PDE4B: variants seen among roughly 807,000 people sequenced by gnomAD.
The protein encoded by PDE4B is 3',5'-cyclic-AMP phosphodiesterase 4B.
PDE4B carries 20 observed loss-of-function variants against 82.2 expected under a neutral mutation model. The ratio of observed to expected loss-of-function variants is 0.24; its 90% CI spans 0.17 to 0.35. The LOEUF is 0.35. PDE4B is among the 10% of genes least tolerant of loss of function. The probability of loss-of-function intolerance (pLI) is 1.00; values close to 1 mark genes in which losing one functional copy is unlikely to be tolerated. For missense variants in PDE4B, 655 were observed against 907.2 expected (o/e 0.72, Z 3.57); for synonymous variants, 320 against 318.9 (o/e 1.00, Z -0.04).
chr1:66,247,782 G>T, intron 4 of PDE4B, 128 bp downstream of exon 4: 1 of 652,746 alleles, frequency 1.5e-6, no homozygotes, highest in South Asian at 2.7e-5. Context: ...ATATGAGCAG[G>T]GGTGACGTGA....
At chr1:66,320,573 G>C (rs1429389660) in intron 7 of PDE4B, among the ~76,000 whole-genome samples, 6 of 152,176 alleles carry the variant, frequency 3.9e-5, no homozygotes, top group African/African-American at 1.4e-4. Context: ...CAGTAGCAAA[G>C]GCCCCTTTCT....
At chr1:66,097,237 G>A (rs77416097) in intron 3 of PDE4B, among the ~76,000 whole-genome samples, 4,581 of 152,128 alleles carry the variant, frequency 0.03, 248 homozygotes, top group African/African-American at 0.1. Context: ...GGGAGTTTAA[G>A]TTGTTCCACA....
intron 7 of PDE4B, among the ~76,000 whole-genome samples, chr1:66,274,959 C>T (rs931672167): frequency 4.6e-5 from 7 of 151,562 alleles, no homozygotes; most frequent in Non-Finnish European, 8.8e-5. Context: ...TTTTTTTTTC[C>T]TCCTGAGACT....
intron 1 of PDE4B, among the ~76,000 whole-genome samples, chr1:65,867,124 T>C (rs1283035822): frequency 1.3e-5 from 2 of 152,174 alleles, no homozygotes; most frequent in Non-Finnish European, 2.9e-5. Context: ...AGCTGGATTA[T>C]TGAGGTACAT....
intron 3 of PDE4B, among the ~76,000 whole-genome samples, chr1:66,069,924 A>T (rs959936962): frequency 6.6e-6 from 1 of 151,956 alleles, no homozygotes; most frequent in African/African-American, 2.4e-5. Context: ...CTTTGTGTAA[A>T]GCTCTGTTAT....
At chr1:66,104,016 C>T (rs1645282182) in intron 3 of PDE4B, among the ~76,000 whole-genome samples, 1 of 151,848 alleles carries the variant, frequency 6.6e-6, no homozygotes, top group Non-Finnish European at 1.5e-5. Flanking sequence ...TATACATGAG[C>T]CATGCTGGTG....
At chr1:65,962,110 A>G (rs897713966) in intron 3 of PDE4B, among the ~76,000 whole-genome samples, 7 of 152,160 alleles carry the variant, frequency 4.6e-5, no homozygotes, top group African/African-American at 1.7e-4. Flanking sequence ...ACTTTAGCCT[A>G]CGGTTGGGCA....
At chr1:66,124,616 A>G (rs946097174) in intron 3 of PDE4B, among the ~76,000 whole-genome samples, 2 of 152,152 alleles carry the variant, frequency 1.3e-5, no homozygotes, top group Non-Finnish European at 2.9e-5. Flanking sequence ...TCAATATATC[A>G]TCCCCCATAT....
Position 66,116,327 on chromosome 1 carries a change from G to A in PDE4B, c.282-131133G>A, listed in dbSNP as rs186829398. Reference sequence around the variant, plus strand: ...CATTAAAAAGCTGGTTTGGACCTCTGTGTTCAAGGGTAGTCCTAGCTTTAG... The same window carrying A: ...CATTAAAAAGCTGGTTTGGACCTCTATGTTCAAGGGTAGTCCTAGCTTTAG... On this transcript the variant is annotated intron_variant, in intron 3 of 16. Transcript: ENST00000341517. Among the ~76,000 whole-genome samples the A allele has an allele frequency of 2.6e-5, 4 of 152,252 alleles. No individual in the cohort carries two copies. The East Asian group carries it at 5.8e-4, about 22-fold the overall frequency.
chr1:66,362,545 A>G (rs1390952828), intron 10 of PDE4B, among the ~76,000 whole-genome samples: 1 of 152,232 alleles, frequency 6.6e-6, no homozygotes, highest in Non-Finnish European at 1.5e-5. Context: ...GTTACTAAGA[A>G]TGAAATAAAT....
At chr1:66,126,429 A>T (rs944061762) in intron 3 of PDE4B, among the ~76,000 whole-genome samples, 1 of 152,200 alleles carries the variant, frequency 6.6e-6, no homozygotes, top group Admixed American at 6.5e-5. Context: ...ACATTTTTAA[A>T]CTTTAAACTT....
chr1:65,834,399 G>A (rs1646117364), intron 1 of PDE4B, among the ~76,000 whole-genome samples: 1 of 152,204 alleles, frequency 6.6e-6, no homozygotes. Flanking sequence ...AATGTGTAAA[G>A]CACTTAGTAT....
intron 2 of PDE4B, among the ~76,000 whole-genome samples, chr1:65,917,133 T>C (rs1291924816): frequency 1.3e-5 from 2 of 152,212 alleles, no homozygotes; most frequent in African/African-American, 4.8e-5. Flanking sequence ...ATACCATTCC[T>C]CTTTTTGCTA....
chr1:66,196,862 T>TG, intron 3 of PDE4B, among the ~76,000 whole-genome samples: 1 of 150,988 alleles, frequency 6.6e-6, no homozygotes, highest in South Asian at 2.1e-4. Flanking sequence ...TAATGCTAGA[T>TG]GACAAGTTAG....
chr1:66,097,841 T>G (rs1002980774), intron 3 of PDE4B, among the ~76,000 whole-genome samples: 4 of 149,924 alleles, frequency 2.7e-5, no homozygotes, highest in Non-Finnish European at 5.9e-5. Flanking sequence ...ACTTTTTAGA[T>G]AATACATTGT....
At chr1:65,975,687 C>T (rs114961627) in intron 3 of PDE4B, among the ~76,000 whole-genome samples, 1,779 of 152,296 alleles carry the variant, frequency 0.012, 35 homozygotes, top group African/African-American at 0.041. Context: ...GAACAAGGCA[C>T]CTTGCATCCC....
At chr1:66,045,690 A>G (rs1557521391) in intron 3 of PDE4B, among the ~76,000 whole-genome samples, 2 of 151,240 alleles carry the variant, frequency 1.3e-5, no homozygotes, top group Non-Finnish European at 3.0e-5. Context: ...ATAAAGATGT[A>G]ATATATATAT....
chr1:65,887,397 C>T (rs1285619708), intron 1 of PDE4B, among the ~76,000 whole-genome samples: 9 of 18,742 alleles, frequency 4.8e-4, no homozygotes, highest in Non-Finnish European at 6.4e-4. Context: ...TCTTTTCTTT[C>T]TTTTTCTTTT....
chr1:66,012,520 A>C (rs1201649622), intron 3 of PDE4B, among the ~76,000 whole-genome samples: 1 of 152,136 alleles, frequency 6.6e-6, no homozygotes, highest in Non-Finnish European at 1.5e-5. Flanking sequence ...CATAGTGTGC[A>C]CACCATGACA....
Sources: gnomAD v4.1 joint callset for allele counts (sites outside exome capture counted in the v4.1 genomes callset) on GRCh38, gnomAD v4.1.1 for gene constraint, MANE v1.5 for transcripts, NCBI Gene and HGNC (gene_info 2026-07-23, HGNC 2026-07-21) for gene names.